SP4: variants seen among roughly 807,000 people sequenced by gnomAD.
SP4 encodes Sp4 transcription factor.
SP4 carries 19 observed loss-of-function variants against 72.8 expected under a neutral mutation model. The ratio of observed to expected loss-of-function variants is 0.26; its 90% CI spans 0.18 to 0.38. The LOEUF (loss-of-function observed/expected upper bound fraction) is 0.38. SP4 is among the 10% of genes least tolerant of loss of function. SP4 has a pLI of 1.00. For missense variants in SP4, 1,008 were observed against 926.3 expected (o/e 1.09, Z -1.14); for synonymous variants, 395 against 333.1 (o/e 1.19, Z -2.02).
chr7:21,479,982 GT>G (rs914415973), intron 4 of SP4, among the ~76,000 whole-genome samples: 1 of 84,118 alleles, frequency 1.2e-5, no homozygotes, highest in Non-Finnish European at 2.2e-5. Flanking sequence ...AGTTATAACA[GT>G]TTTTTTGTTT....
At chr7:21,480,127 C>T (rs1304793711) in intron 4 of SP4, among the ~76,000 whole-genome samples, 3 of 151,980 alleles carry the variant, frequency 2.0e-5, no homozygotes, top group African/African-American at 7.2e-5. Context: ...TGCTTAGTTT[C>T]TCTGTCTGGA....
intron 5 of SP4, among the ~76,000 whole-genome samples, chr7:21,507,365 T>C (rs1782025601): frequency 6.6e-6 from 1 of 152,206 alleles, no homozygotes; most frequent in Admixed American, 6.5e-5. Context: ...TGGATAAGGA[T>C]TTAGAGGAGC....
intron 4 of SP4, among the ~76,000 whole-genome samples, chr7:21,480,236 T>C (rs1784645976): frequency 6.6e-6 from 1 of 152,286 alleles, no homozygotes; most frequent in Non-Finnish European, 1.5e-5. Context: ...TTGTATTGTT[T>C]TTATCTGATT....
At chr7:21,455,586 T>C (rs1338899578) in intron 3 of SP4, among the ~76,000 whole-genome samples, 1 of 152,200 alleles carries the variant, frequency 6.6e-6, no homozygotes, top group East Asian at 1.9e-4. Context: ...CTTTGTAGTG[T>C]CTTGTCACAA....
chr7:21,445,192 A>G (rs1163632925), intron 3 of SP4, among the ~76,000 whole-genome samples: 3 of 152,086 alleles, frequency 2.0e-5, no homozygotes, highest in Non-Finnish European at 4.4e-5. Flanking sequence ...TTTGAAGAAA[A>G]GGGCCCAAAA....
chr7:21,428,602 G>A, intron 1 of SP4, 75 bp from the exon 2 acceptor site: 3 of 1,399,244 alleles, frequency 2.1e-6, no homozygotes, highest in Non-Finnish European at 2.9e-6. Context: ...GGGGAGAAGA[G>A]GAGAGGAAGA....
intron 5 of SP4, among the ~76,000 whole-genome samples, chr7:21,504,392 G>C (rs1347705235): frequency 6.6e-6 from 1 of 152,114 alleles, no homozygotes; most frequent in Non-Finnish European, 1.5e-5. Context: ...CTTTATGGCC[G>C]GGTTAAGACC....
chr7:21,429,412 C>A lies in SP4; in HGVS notation c.247C>A (p.Leu83Ile). ...IIDPSQGLVQ[L>I]QNQPQQLELV... ...AGATCCAAGTCAAGGATTGGTGCAACTTCAAAATCAACCACAACAGCTAGA... is the reference window on the plus strand; with the variant it reads ...AGATCCAAGTCAAGGATTGGTGCAAATTCAAAATCAACCACAACAGCTAGA... Residue 83 changes from leucine to isoleucine, a missense_variant, in exon 3 of 6, where the codon CTT becomes ATT. Coordinates refer to ENST00000222584, the MANE Select transcript of SP4 (RefSeq NM_003112.5). 6.2e-7 allele frequency: 1 copy of A among 1,614,152 alleles called. No individual in the cohort carries two copies. Among genetic ancestry groups the A allele is most frequent in the Non-Finnish European group, 8.5e-7 (1 of 1,180,000 alleles).
chr7:21,514,017 T>C lies in SP4; in HGVS notation c.*2748T>C, dbSNP rs1230659629. ...AGAGTCTTGTTTAATGGCATTTCACTGTTCATTCCCTTTACCACCGTTATA... is the reference window on the plus strand; with the variant it reads ...AGAGTCTTGTTTAATGGCATTTCACCGTTCATTCCCTTTACCACCGTTATA... On this transcript the variant is annotated 3_prime_UTR_variant, in exon 6 of 6. Transcript: ENST00000222584. 6.6e-6 allele frequency: 1 copy of C among 152,654 alleles called. No individual in the cohort carries two copies. Among genetic ancestry groups the C allele is most frequent in the Non-Finnish European group, 1.5e-5 (1 of 68,020 alleles). 9.5% of individuals were successfully genotyped at this position (152,654 alleles called of 1,614,324 possible).
intron 3 of SP4, among the ~76,000 whole-genome samples, chr7:21,433,513 T>C (rs1447891479): frequency 2.0e-5 from 3 of 152,270 alleles, no homozygotes; most frequent in Admixed American, 6.5e-5. Flanking sequence ...TGACAAATGC[T>C]CTTTGAACTA....
intron 5 of SP4, among the ~76,000 whole-genome samples, chr7:21,501,345 C>T (rs563902807): frequency 6.9e-6 from 1 of 143,950 alleles, no homozygotes; most frequent in African/African-American, 2.7e-5. Context: ...TCACAAAGTC[C>T]CTCCTCTTTT....
chr7:21,461,803 G>A (rs937940410), intron 3 of SP4, among the ~76,000 whole-genome samples: 1 of 151,944 alleles, frequency 6.6e-6, no homozygotes, highest in African/African-American at 2.4e-5. Flanking sequence ...CCTCTCAATA[G>A]GAAGTTGGAA....
intron 2 of SP4, 79 bp from the exon 3 acceptor site, chr7:21,429,210 C>T (rs1420704194): frequency 4.1e-6 from 3 of 727,244 alleles, no homozygotes; most frequent in Non-Finnish European, 6.8e-6. Flanking sequence ...TAAGTAACCC[C>T]CTGGCAACTA....
At chr7:21,474,865 T>A (rs1784450004) in intron 3 of SP4, among the ~76,000 whole-genome samples, 1 of 152,144 alleles carries the variant, frequency 6.6e-6, no homozygotes, top group Non-Finnish European at 1.5e-5. Context: ...ACTAAAACAG[T>A]GACAAAATAA....
intron 3 of SP4, among the ~76,000 whole-genome samples, chr7:21,444,346 A>G (rs1372285658): frequency 6.6e-6 from 1 of 152,208 alleles, no homozygotes; most frequent in Non-Finnish European, 1.5e-5. Context: ...TTTGGCTGAC[A>G]TTTACTGCAC....
At chr7:21,489,367 C>T (rs188458729) in intron 5 of SP4, among the ~76,000 whole-genome samples, 1 of 152,094 alleles carries the variant, frequency 6.6e-6, no homozygotes, top group Non-Finnish European at 1.5e-5. Context: ...GTCACCCAGG[C>T]CAGAACGCAG....
chr7:21,465,672 T>C (rs186677348), intron 3 of SP4, among the ~76,000 whole-genome samples: 226 of 152,250 alleles, frequency 1.5e-3, no homozygotes, highest in Non-Finnish European at 2.4e-3. Flanking sequence ...CTTTAAGAAG[T>C]TGACAGCCTG....
chr7:21,501,780 A>G (rs1442941766), intron 5 of SP4, among the ~76,000 whole-genome samples: 1 of 152,160 alleles, frequency 6.6e-6, no homozygotes, highest in Non-Finnish European at 1.5e-5. Flanking sequence ...AAAGTACAAC[A>G]TTTCCCACCC....
chr7:21,437,579 G>A (rs1783089798), intron 3 of SP4, among the ~76,000 whole-genome samples: 1 of 152,102 alleles, frequency 6.6e-6, no homozygotes. Context: ...GGGAGGTGGT[G>A]CTTATATGAT....
Sources: gnomAD v4.1 joint callset for allele counts (sites outside exome capture counted in the v4.1 genomes callset) on GRCh38, gnomAD v4.1.1 for gene constraint, MANE v1.5 for transcripts, NCBI Gene and HGNC (gene_info 2026-07-23, HGNC 2026-07-21) for gene names.